DNAI3: variants seen among roughly 807,000 people sequenced by gnomAD.
DNAI3 encodes dynein axonemal intermediate chain 3, also known as WD repeat domain 63.
In DNAI3, 83 loss-of-function variants were observed where a neutral mutation model predicts 115.5. The observed-to-expected ratio is 0.72, with a 90% CI of 0.60 to 0.86. DNAI3 has a LOEUF of 0.86. Ranked by LOEUF, DNAI3 falls within the 40% of genes least tolerant of loss-of-function variation. The probability of loss-of-function intolerance (pLI) is 0.00; values close to 1 mark genes in which losing one functional copy is unlikely to be tolerated. For missense variants in DNAI3, 1,004 were observed against 1,075.8 expected (o/e 0.93, Z 0.93); for synonymous variants, 320 against 347.0 (o/e 0.92, Z 0.86).
intron 16 of DNAI3, among the ~76,000 whole-genome samples, chr1:85,117,155 C>A (rs1338324472): frequency 6.6e-6 from 1 of 151,774 alleles, no homozygotes; most frequent in Non-Finnish European, 1.5e-5. Flanking sequence ...TTTCAAAAAT[C>A]TAGTAAGTTA....
At chr1:85,093,732 C>CA in intron 9 of DNAI3, 84 bp downstream of exon 9, 1 of 1,515,034 alleles carries the variant, frequency 6.6e-7, no homozygotes, top group Non-Finnish European at 9.2e-7. Flanking sequence ...CAAACTAGTT[C>CA]AATGTCAATA....
intron 7 of DNAI3, among the ~76,000 whole-genome samples, chr1:85,086,955 C>T (rs769284798): frequency 2.6e-5 from 4 of 152,034 alleles, no homozygotes; most frequent in Non-Finnish European, 4.4e-5. Flanking sequence ...CTGCCCTAAT[C>T]TCCCACAGTT....
chr1:85,086,346 A>G (rs561330443), intron 7 of DNAI3, among the ~76,000 whole-genome samples: 3 of 152,314 alleles, frequency 2.0e-5, no homozygotes, highest in Admixed American at 2.0e-4. Flanking sequence ...GCTCTGTTCT[A>G]CTACCTAAGT....
intron 19 of DNAI3, among the ~76,000 whole-genome samples, chr1:85,124,739 G>A (rs546818375): frequency 6.6e-6 from 1 of 152,146 alleles, no homozygotes; most frequent in African/African-American, 2.4e-5. Flanking sequence ...TCACCATGTT[G>A]CCCAGGCTGG....
chr1:85,127,263 C>T (rs79707223), intron 20 of DNAI3, among the ~76,000 whole-genome samples: 7,938 of 152,156 alleles, frequency 0.052, 269 homozygotes, highest in East Asian at 0.15. Flanking sequence ...ACCTTTGAAC[C>T]AACTATGAGG....
chr1:85,084,603 T>G lies in DNAI3; in HGVS notation c.448T>G (p.Tyr150Asp), dbSNP rs914097852. The change falls in exon 6 of 23, where the codon TAT becomes GAT. Residue 150 changes from tyrosine to aspartate, a missense_variant. Transcript: ENST00000294664. The stretch of plus-strand genomic sequence containing the variant: ...TAAAGAACATATTCCTGAAGATGTG[T>G]ATATTTATAAACCACCTGTCTCTAA... ...EYKEHIPEDV[Y>D]IYKPPVSKPW... 33 of 1,573,652 alleles carry G rather than the reference T, an allele frequency of 2.1e-5. No individual in the cohort carries two copies. The highest frequency in any genetic ancestry group is 2.2e-5 in the Non-Finnish European group (26 of 1,161,722).
At chr1:85,084,061 T>G (rs1654711403) in intron 5 of DNAI3, among the ~76,000 whole-genome samples, 1 of 151,272 alleles carries the variant, frequency 6.6e-6, no homozygotes, top group Non-Finnish European at 1.5e-5. Flanking sequence ...CTATGGAATT[T>G]TATTTTATGG....
chr1:85,117,048 TA>T (rs1313061285), intron 16 of DNAI3, among the ~76,000 whole-genome samples: 2 of 152,150 alleles, frequency 1.3e-5, no homozygotes, highest in Non-Finnish European at 2.9e-5. Context: ...TCCTCTTGGG[TA>T]ATATGACTCA....
chr1:85,074,414 G>A (rs920792149), intron 3 of DNAI3, among the ~76,000 whole-genome samples: 6 of 152,142 alleles, frequency 3.9e-5, no homozygotes, highest in South Asian at 4.1e-4. Flanking sequence ...CCTCCTCTTC[G>A]CCAACCTACA....
At chr1:85,086,196 A>G (rs1654795662) in intron 7 of DNAI3, among the ~76,000 whole-genome samples, 166 bp downstream of exon 7, 1 of 152,238 alleles carries the variant, frequency 6.6e-6, no homozygotes, top group Non-Finnish European at 1.5e-5. Flanking sequence ...ATTATATTCA[A>G]TAATGCCTTT....
chr1:85,100,992 G>GGGATAGCATTA (rs1655289403), intron 13 of DNAI3, among the ~76,000 whole-genome samples: 1 of 151,498 alleles, frequency 6.6e-6, no homozygotes, highest in African/African-American at 2.4e-5. Context: ...GGGAGGAGGG[G>GGGATAGCATTA]GGATAGCATT....
chr1:85,124,086 A>C, intron 18 of DNAI3, 35 bp from the exon 19 acceptor site: 1 of 1,613,068 alleles, frequency 6.2e-7, no homozygotes, highest in South Asian at 1.1e-5. Context: ...AAACAGTGTT[A>C]TTAAAGATGA....
At chr1:85,064,061 T>C (rs1180075277) in intron 1 of DNAI3, among the ~76,000 whole-genome samples, 1 of 152,200 alleles carries the variant, frequency 6.6e-6, no homozygotes, top group Non-Finnish European at 1.5e-5. Context: ...AACGTGTTAA[T>C]AAAGTACAAA....
At position 85,093,638 on chromosome 1, in the gene DNAI3, A is replaced by C. The variant is rs1459067246; in HGVS notation, c.1038A>C (p.Pro346=). 5 of 1,613,930 alleles carry C rather than the reference A, an allele frequency of 3.1e-6. No individual in the cohort carries two copies. In the East Asian group the frequency reaches 1.1e-4, roughly 36 times the overall value. Residue 346 remains proline, a synonymous_variant, in exon 9 of 23, where the codon CCA becomes CCC. Coordinates refer to ENST00000294664, the MANE Select transcript of DNAI3 (RefSeq NM_145172.5). ...TGATTACCTGTGTCTCATGGCATCC[A>C]ACTATCTATGGTGAGATGGAAATGA... ...EKMITCVSWH[P]TIYGLIAVSV...
At chr1:85,104,737 G>T in intron 14 of DNAI3, 140 bp downstream of exon 14, 1 of 705,628 alleles carries the variant, frequency 1.4e-6, no homozygotes, top group Non-Finnish European at 2.3e-6. Context: ...AGAATGTTAT[G>T]GATTGTTGCT....
chr1:85,093,435 C>CT (rs11304107), intron 8 of DNAI3, 23 bp from the exon 9 acceptor site: 2 of 1,608,466 alleles, frequency 1.2e-6, no homozygotes, highest in South Asian at 2.2e-5. Context: ...ATCTTAATTG[C>CT]TTTTTTTATT....
Position 85,093,640 on chromosome 1 carries a change from C to T in DNAI3, c.1040C>T (p.Thr347Ile). The T allele has an allele frequency of 6.2e-7, 1 of 1,613,938 alleles. No individual in the cohort carries two copies. Among genetic ancestry groups the T allele is most frequent in the Non-Finnish European group, 8.5e-7 (1 of 1,179,826 alleles). Residue 347 changes from threonine (T) to isoleucine (I), a missense_variant, in exon 9 of 23, where the codon ACT becomes ATT. This residue lies in a region of DNAI3 where 550 missense variants were observed against 568.1 expected (regional missense o/e 0.97). Transcript: ENST00000294664. Reference protein sequence around the residue: ...KMITCVSWHPTIYGLIAVSVA... With the variant: ...KMITCVSWHPIIYGLIAVSVA... ...ATTACCTGTGTCTCATGGCATCCAA[C>T]TATCTATGGTGAGATGGAAATGATG...
At chr1:85,109,991 C>T in intron 15 of DNAI3, 57 bp from the exon 16 acceptor site, 1 of 1,517,034 alleles carries the variant, frequency 6.6e-7, no homozygotes, top group East Asian at 2.3e-5. Flanking sequence ...GAATAAATTA[C>T]CCAAGGATAA....
At chr1:85,069,806 C>T (rs1329921836) in intron 1 of DNAI3, among the ~76,000 whole-genome samples, 1 of 151,892 alleles carries the variant, frequency 6.6e-6, no homozygotes, top group East Asian at 1.9e-4. Context: ...GATAAGGAAT[C>T]TTCTGAAAAA....
Sources: gnomAD v4.1 joint callset for allele counts (sites outside exome capture counted in the v4.1 genomes callset) on GRCh38, gnomAD v4.1.1 for gene constraint, gnomAD v4.1.1 regional missense constraint, MANE v1.5 for transcripts, NCBI Gene and HGNC (gene_info 2026-07-23, HGNC 2026-07-21) for gene names.